Variants in STK32C observed in about 807,000 individuals in gnomAD.
STK32C encodes serine/threonine kinase 32C, also known as serine/threonine-protein kinase 32C.
A neutral mutation model predicts 56.5 loss-of-function variants in STK32C; 31 were observed. That is an observed-to-expected ratio of 0.55 (90% confidence interval 0.41 to 0.74). The LOEUF (loss-of-function observed/expected upper bound fraction) is 0.74, where lower values mean the gene tolerates loss of function less well. Ranked by LOEUF, STK32C falls within the 30% of genes least tolerant of loss-of-function variation. The pLI is 0.00. For synonymous variants in STK32C, 309 were observed against 289.4 expected (o/e 1.07, Z -0.69); for missense variants, 544 against 676.9 (o/e 0.80, Z 2.18).
chr10:132,312,305 A>G (rs539600135), upstream of STK32C, among the ~76,000 whole-genome samples: 12 of 152,196 alleles, frequency 7.9e-5, no homozygotes, highest in African/African-American at 2.9e-4. Flanking sequence ...CACTGCACCC[A>G]GCCTCTCGTC....
In STK32C at chr10:132,219,035, G is replaced by A. The variant is rs139415222; in HGVS notation, c.1251+3606C>T. ...ACGGAAAGTAGCTTCGTGGCTGCCA[G>A]GGGAGGGGAGAAGAGGGGAATGGGG... On this transcript the variant is annotated intron_variant, in intron 10 of 11. Transcript: ENST00000298630. Among the ~76,000 whole-genome samples, 94 of 152,286 alleles carry A rather than the reference G, an allele frequency of 6.2e-4. 1 individual carries two copies. The highest frequency in any genetic ancestry group is 1.9e-3 in the South Asian group (9 of 4,828).
At chr10:132,282,547 G>A (rs544646936) in intron 1 of STK32C, among the ~76,000 whole-genome samples, 1 of 147,880 alleles carries the variant, frequency 6.8e-6, no homozygotes. Flanking sequence ...ACCTGCGCCT[G>A]TCCTTCTGCA....
At chr10:132,278,263 G>A (rs979883677) in intron 1 of STK32C, among the ~76,000 whole-genome samples, 3 of 152,036 alleles carry the variant, frequency 2.0e-5, no homozygotes, top group African/African-American at 4.8e-5. Context: ...CACATGCCAT[G>A]CCCCGCACAT....
chr10:132,320,527 C>A (rs931523316), downstream of STK32C, among the ~76,000 whole-genome samples: 57 of 152,056 alleles, frequency 3.7e-4, no homozygotes, highest in African/African-American at 1.3e-3. Context: ...TGAGGTCCCA[C>A]CCCCGCAGAG....
At chr10:132,236,972 A>G (rs1257758214) in intron 2 of STK32C, among the ~76,000 whole-genome samples, 1 of 152,184 alleles carries the variant, frequency 6.6e-6, no homozygotes, top group Non-Finnish European at 1.5e-5. Flanking sequence ...GAAGATCTTC[A>G]GCTTCCACAC....
rs1355326884 is a variant in STK32C at position 132,212,672 on chromosome 10, C to T, written c.1252-3571G>A. ...CCTGCCAATCTCCTGTCTGACCACA[C>T]ACCTGCGTTCAGGAAATAAAAGACA... On this transcript the variant is annotated intron_variant, in intron 10 of 11. Transcript: ENST00000298630. 2.0e-5 allele frequency among the ~76,000 whole-genome samples: 3 copies of T among 152,234 alleles called. No homozygotes were observed. In the East Asian group the frequency reaches 5.8e-4, roughly 29 times the overall value.
chr10:132,298,700 G>A (rs1364146488), intron 1 of STK32C, among the ~76,000 whole-genome samples: 1 of 151,850 alleles, frequency 6.6e-6, no homozygotes, highest in Non-Finnish European at 1.5e-5. Flanking sequence ...GTCACTGGGA[G>A]GGAGTTGAGC....
chr10:132,307,488 A>C lies in STK32C; in HGVS notation c.262+84T>G. ...GGGAAGCCGTCCCGGACACCGGGGG[A>C]ACCCCTGCGGGAAAAAGCCGCCCAG... On this transcript the variant is annotated intron_variant, in intron 1 of 11. Coordinates refer to ENST00000298630, the MANE Select transcript of STK32C (RefSeq NM_173575.4). The surrounding 1 kb of genome is among the most constrained non-coding windows in gnomAD (Gnocchi z 4.4). 2 of 1,409,720 alleles carry C rather than the reference A, an allele frequency of 1.4e-6. No homozygotes were observed. The highest frequency in any genetic ancestry group is 9.4e-7 in the Non-Finnish European group (1 of 1,069,050). The allele number at this position is 1,409,720 out of a possible 1,614,324, so 87.3% of individuals were successfully genotyped here. A position where few individuals can be genotyped will look rare whatever the true frequency, so the allele number is the denominator to read the frequency against.
chr10:132,250,784 C>T (rs1392797986), intron 1 of STK32C, among the ~76,000 whole-genome samples: 9 of 152,352 alleles, frequency 5.9e-5, no homozygotes, highest in African/African-American at 2.2e-4. Flanking sequence ...GCACGGAAGT[C>T]GGAGACCGTT....
chr10:132,306,167 C>T (rs1341796828), intron 1 of STK32C, among the ~76,000 whole-genome samples: 5 of 152,206 alleles, frequency 3.3e-5, no homozygotes, highest in Non-Finnish European at 5.9e-5. Flanking sequence ...CACTCCCACC[C>T]CCGGAGAGCA....
At chr10:132,251,418 T>C (rs979161168) in intron 1 of STK32C, among the ~76,000 whole-genome samples, 4 of 152,126 alleles carry the variant, frequency 2.6e-5, no homozygotes, top group Non-Finnish European at 5.9e-5. Flanking sequence ...TGTCACTTGA[T>C]CTGGGCCTCA....
chr10:132,233,103 G>A (rs369336805), intron 2 of STK32C, among the ~76,000 whole-genome samples: 4 of 152,192 alleles, frequency 2.6e-5, no homozygotes, highest in East Asian at 1.9e-4. Flanking sequence ...ACAGCAGGGC[G>A]GGACAGGGCA....
intron 2 of STK32C, among the ~76,000 whole-genome samples, chr10:132,240,963 A>T (rs1460808016): frequency 6.6e-6 from 1 of 152,158 alleles, no homozygotes; most frequent in African/African-American, 2.4e-5. Flanking sequence ...CCCATCAGAC[A>T]CCGTCAAGCT....
At chr10:132,227,013 C>T (rs1266277069) in intron 3 of STK32C, 45 bp from the exon 4 acceptor site, 1 of 1,600,612 alleles carries the variant, frequency 6.2e-7, no homozygotes, top group East Asian at 2.2e-5. Context: ...AGCTGGGGAG[C>T]CAGTCATGGC....
chr10:132,323,471 T>C (rs2066446591), downstream of STK32C, among the ~76,000 whole-genome samples: 2 of 152,250 alleles, frequency 1.3e-5, no homozygotes, highest in African/African-American at 4.8e-5. This position sits in a 1 kb window ranked among gnomAD's most constrained non-coding sequence, Gnocchi z 4.8. Flanking sequence ...CGTCAATGTA[T>C]TTCCTCCAAT....
intron 1 of STK32C, among the ~76,000 whole-genome samples, chr10:132,256,503 G>A (rs1470778966): frequency 1.3e-5 from 2 of 152,166 alleles, no homozygotes; most frequent in East Asian, 1.9e-4. Flanking sequence ...TAGGGCAACC[G>A]CCTGATCAAT....
intron 1 of STK32C, 137 bp from the exon 2 acceptor site, chr10:132,246,092 C>A: frequency 1.2e-6 from 1 of 850,048 alleles, no homozygotes; most frequent in South Asian, 1.5e-5. Flanking sequence ...GTGGGGCGGG[C>A]CAAACTCTCG....
intron 2 of STK32C, among the ~76,000 whole-genome samples, chr10:132,242,299 C>T (rs929338464): frequency 4.6e-5 from 7 of 151,930 alleles, no homozygotes; most frequent in Non-Finnish European, 7.4e-5. Flanking sequence ...ACCCAGGACA[C>T]GGGACGAGTG....
intron 1 of STK32C, among the ~76,000 whole-genome samples, chr10:132,269,140 T>C (rs982647972): frequency 1.3e-5 from 2 of 151,392 alleles, no homozygotes; most frequent in African/African-American, 4.9e-5. Context: ...CATGCACGTG[T>C]CTGTTGGTTC....
Sources: allele counts gnomAD v4.1 joint callset (sites outside exome capture counted in the v4.1 genomes callset), GRCh38; gene constraint gnomAD v4.1.1; non-coding constraint Gnocchi (gnomAD v3.1); transcripts MANE v1.5; gene names NCBI Gene and HGNC (gene_info 2026-07-23, HGNC 2026-07-21).